Variants in MBNL2 observed in about 807,000 individuals in gnomAD.
The protein encoded by MBNL2 is muscleblind like splicing regulator 2.
MBNL2 carries 17 observed loss-of-function variants against 41.9 expected under a neutral mutation model. The observed-to-expected ratio is 0.41, with a 90% CI of 0.28 to 0.61. The LOEUF (loss-of-function observed/expected upper bound fraction) is 0.61, where lower values mean the gene tolerates loss of function less well. Among genes scored for constraint, MBNL2 ranks in the 20% least tolerant of loss-of-function variants. The probability of loss-of-function intolerance (pLI) is 0.35; values close to 1 mark genes in which losing one functional copy is unlikely to be tolerated. For synonymous variants in MBNL2, 195 were observed against 182.9 expected (o/e 1.07, Z -0.53); for missense variants, 336 against 505.6 (o/e 0.66, Z 3.22).
chr13:97,187,183 A>C, the MBNL2 span, among the ~76,000 whole-genome samples: 2 of 152,268 alleles, frequency 1.3e-5, no homozygotes, highest in East Asian at 3.9e-4. Flanking sequence ...TAGACTAGAA[A>C]GTATGTAATT....
At chr13:97,181,589 A>G in the MBNL2 span, among the ~76,000 whole-genome samples, 13 of 152,344 alleles carry the variant, frequency 8.5e-5, no homozygotes, top group African/African-American at 2.6e-4. Context: ...GAACACGTAT[A>G]GGAAAGATAA....
At chr13:97,357,720 G>A (rs1465880213) in intron 7 of MBNL2, 85 bp downstream of exon 7, 2 of 1,365,370 alleles carry the variant, frequency 1.5e-6, no homozygotes. Context: ...GTGGCATCTA[G>A]TTTGCTTTTG....
chr13:97,318,911 G>A (rs776751355), intron 2 of MBNL2, among the ~76,000 whole-genome samples: 2 of 152,142 alleles, frequency 1.3e-5, no homozygotes, highest in African/African-American at 2.4e-5. Context: ...CAAGGTCTCC[G>A]CCCTCTCTAG....
At chr13:97,229,368 G>A (rs2042082745) in intron 1 of MBNL2, among the ~76,000 whole-genome samples, 1 of 151,630 alleles carries the variant, frequency 6.6e-6, no homozygotes, top group Non-Finnish European at 1.5e-5. Context: ...CCACACCCCG[G>A]GCCAAGGGCA....
At chr13:97,332,983 T>TG (rs1733071627) in intron 2 of MBNL2, among the ~76,000 whole-genome samples, 1 of 152,070 alleles carries the variant, frequency 6.6e-6, no homozygotes, top group Non-Finnish European at 1.5e-5. Context: ...TCCATGGTGG[T>TG]GGGGGAAGAT....
rs9513240 is a variant in MBNL2, at chr13:97,361,841, C to T, written c.1013-3295C>T. Among the ~76,000 whole-genome samples, 1,102 of 134,600 alleles carry T rather than the reference C, an allele frequency of 8.2e-3. 5 individuals are homozygous for T. Among genetic ancestry groups the T allele is most frequent in the Middle Eastern group, 0.015 (3 of 198 alleles). 88.3% of individuals were successfully genotyped at this position (134,600 alleles called of 152,430 possible). ...CTGGAGTGCAGTGGCATGATCTTGG[C>T]TCACTGCAACCTCCGCCTCCCGGGT... On this transcript the variant is annotated intron_variant, in intron 7 of 8. Transcript: ENST00000679496.
chr13:97,374,574 A>G (rs916791239), intron 8 of MBNL2, among the ~76,000 whole-genome samples: 1 of 151,104 alleles, frequency 6.6e-6, no homozygotes, highest in African/African-American at 2.4e-5. Flanking sequence ...TTGTATTTTT[A>G]GTAGAGACGG....
intron 1 of MBNL2, among the ~76,000 whole-genome samples, chr13:97,242,344 A>G (rs1218596775): frequency 6.6e-6 from 1 of 152,178 alleles, no homozygotes; most frequent in Admixed American, 6.5e-5. Context: ...CAACTGAGAC[A>G]CAGCCTGTGC....
At chr13:97,229,205 T>C (rs894922336) in intron 1 of MBNL2, among the ~76,000 whole-genome samples, 4 of 150,714 alleles carry the variant, frequency 2.7e-5, no homozygotes, top group Non-Finnish European at 5.9e-5. Context: ...TCTAAATGAT[T>C]TACTACATAT....
At chr13:97,320,280 GAC>G (rs2059393687) in intron 2 of MBNL2, among the ~76,000 whole-genome samples, 1 of 140,336 alleles carries the variant, frequency 7.1e-6, no homozygotes, top group African/African-American at 2.7e-5. Flanking sequence ...TTTTTTTTGA[GAC>G]AGTCTCTCAC....
chr13:97,317,850 T>G (rs1566413234), intron 2 of MBNL2, among the ~76,000 whole-genome samples: 2 of 152,260 alleles, frequency 1.3e-5, no homozygotes, highest in African/African-American at 4.8e-5. Context: ...GCTAATATTA[T>G]ACTTAAATAT....
Position 97,334,262 on chromosome 13 carries a change from A to G in MBNL2, c.175-14A>G. On this transcript the variant is annotated splice_polypyrimidine_tract_variant and intron_variant, in intron 2 of 8. Coordinates refer to ENST00000679496, the MANE Select transcript of MBNL2 (RefSeq NM_001382683.1). This position sits in a 1 kb window ranked among gnomAD's most constrained non-coding sequence, Gnocchi z 5.3. ...TACTTAAAATAGTCCTAAAACCAAC[A>G]CTTGTTTTTACAGGGCCGTTGTTCG... 1 of 1,601,892 alleles carries G rather than the reference A, an allele frequency of 6.2e-7. No homozygotes were observed. Among genetic ancestry groups the G allele is most frequent in the Non-Finnish European group, 8.5e-7 (1 of 1,174,794 alleles).
upstream of MBNL2, among the ~76,000 whole-genome samples, chr13:97,216,962 A>T (rs1186950428): frequency 1.3e-5 from 2 of 149,000 alleles, no homozygotes; most frequent in Admixed American, 6.7e-5. Context: ...TATACATAAT[A>T]TAAAATGTAT....
the MBNL2 span, among the ~76,000 whole-genome samples, chr13:97,212,729 T>A: frequency 2.0e-5 from 3 of 152,320 alleles, no homozygotes; most frequent in African/African-American, 7.2e-5. Context: ...TGACTCAGTA[T>A]AATCACTATG....
intron 2 of MBNL2, among the ~76,000 whole-genome samples, chr13:97,321,462 T>G (rs749329024): frequency 6.6e-6 from 1 of 152,188 alleles, no homozygotes; most frequent in Non-Finnish European, 1.5e-5. Flanking sequence ...TGCATTATCA[T>G]GCAAAGTCAC....
intron 8 of MBNL2, among the ~76,000 whole-genome samples, chr13:97,375,901 G>A (rs1236535213): frequency 6.6e-6 from 1 of 152,146 alleles, no homozygotes; most frequent in African/African-American, 2.4e-5. Context: ...TGGGGTGAGT[G>A]GGAGACACCA....
chr13:97,210,875 G>C, the MBNL2 span, among the ~76,000 whole-genome samples: 1 of 152,044 alleles, frequency 6.6e-6, no homozygotes, highest in Non-Finnish European at 1.5e-5. Flanking sequence ...CTTCTAAGTG[G>C]AAGGGACTCA....
At position 97,346,007 on chromosome 13, in the gene MBNL2, ATAGG is replaced by A. The variant is rs527341236; in HGVS notation, c.541-790_541-787del. 5.3e-4 allele frequency among the ~76,000 whole-genome samples: 80 copies of A among 152,270 alleles called. No individual in the cohort carries two copies. Among genetic ancestry groups the A allele is most frequent in the African/African-American group, 1.8e-3 (76 of 41,542 alleles). ...TATAGGTAGGTAAGCAGGTATATAG[ATAGG>A]TAGGTAACTAGATTAGATAGATGAT... On this transcript the variant is annotated intron_variant, in intron 4 of 8. Coordinates refer to ENST00000679496, the MANE Select transcript of MBNL2 (RefSeq NM_001382683.1). This position sits in a 1 kb window ranked among gnomAD's most constrained non-coding sequence, Gnocchi z 4.2.
At chr13:97,328,832 A>G (rs568866241) in intron 2 of MBNL2, among the ~76,000 whole-genome samples, 10 of 152,290 alleles carry the variant, frequency 6.6e-5, no homozygotes, top group African/African-American at 2.2e-4. Flanking sequence ...TTTTGTGCCC[A>G]TATTTTAATT....
Sources: gnomAD v4.1 joint callset for allele counts (sites outside exome capture counted in the v4.1 genomes callset) on GRCh38, gnomAD v4.1.1 for gene constraint, Gnocchi (gnomAD v3.1) non-coding constraint, MANE v1.5 for transcripts, NCBI Gene and HGNC (gene_info 2026-07-23, HGNC 2026-07-21) for gene names.